The following BIRC2 variants were observed in gnomAD, a reference collection of about 807,000 sequenced individuals.
BIRC2 encodes baculoviral IAP repeat-containing protein 2.
BIRC2 carries 18 observed loss-of-function variants against 60.9 expected under a neutral mutation model. The ratio of observed to expected loss-of-function variants is 0.30; its 90% CI spans 0.20 to 0.44. BIRC2 has a LOEUF of 0.44. Among genes scored for constraint, BIRC2 ranks in the 20% least tolerant of loss-of-function variants. BIRC2 has a pLI of 1.00. For missense variants in BIRC2, 701 were observed against 728.5 expected (o/e 0.96, Z 0.43); for synonymous variants, 282 against 247.7 (o/e 1.14, Z -1.30).
In BIRC2 at chr11:102,368,157, T is replaced by G. The variant is rs559343908; in HGVS notation, c.1124-149T>G. On this transcript the variant is annotated intron_variant, in intron 5 of 8. Transcript: ENST00000227758. The stretch of plus-strand genomic sequence containing the variant: ...ATTTGACCATTATGAAGTTCAAACT[T>G]TTATTGGAGTTATAGGTAATCGATG... 267 of 920,788 alleles carry G rather than the reference T, an allele frequency of 2.9e-4. 3 individuals carry two copies. Among genetic ancestry groups the G allele is most frequent in the South Asian group, 1.7e-3 (98 of 57,974 alleles). 57.0% of individuals were successfully genotyped at this position (920,788 alleles called of 1,614,324 possible).
chr11:102,362,728 GT>G lies in BIRC2; in HGVS notation c.996-164del. The G allele has an allele frequency of 5.7e-6, 3 of 530,692 alleles. No homozygotes were observed. The East Asian group carries it at 8.8e-5, about 16-fold the overall frequency. 32.9% of individuals were successfully genotyped at this position (530,692 alleles called of 1,614,324 possible). A position where few individuals can be genotyped will look rare whatever the true frequency, so the allele number is the denominator to read the frequency against. ...TATAACACACAGAAGGATGTATATT[GT>G]TTTATGATAATTTTGTTCCTGTTAG... On this transcript the variant is annotated intron_variant, in intron 3 of 8. Transcript: ENST00000227758.
chr11:102,367,586 TATC>T (rs2135817696), intron 5 of BIRC2, among the ~76,000 whole-genome samples: 1 of 152,300 alleles, frequency 6.6e-6, no homozygotes, highest in East Asian at 1.9e-4. Flanking sequence ...TTCATAAAAG[TATC>T]ATATGGGCTA....
chr11:102,348,626 C>T lies in BIRC2; in HGVS notation c.-1229C>T. 1 of 271,020 alleles carries T rather than the reference C, an allele frequency of 3.7e-6. No individual in the cohort carries two copies. Among genetic ancestry groups the T allele is most frequent in the South Asian group, 3.3e-5 (1 of 30,218 alleles). The allele number at this position is 271,020 out of a possible 1,614,324, so 16.8% of individuals were successfully genotyped here. Reference sequence around the variant, plus strand: ...TACAACCCTGAAGAATCTCCCTATCCCTATTTTGTCCCCCTGCAGTAATAA... The same window carrying T: ...TACAACCCTGAAGAATCTCCCTATCTCTATTTTGTCCCCCTGCAGTAATAA... On this transcript the variant is annotated 5_prime_UTR_variant, in exon 2 of 9. Coordinates refer to ENST00000227758, the MANE Select transcript of BIRC2 (RefSeq NM_001166.5).
chr11:102,374,946 C>G (rs1319857401), intron 6 of BIRC2, among the ~76,000 whole-genome samples: 1 of 152,216 alleles, frequency 6.6e-6, no homozygotes, highest in African/African-American at 2.4e-5. Flanking sequence ...GCGTCCGTTA[C>G]CCCTTTCTTT....
chr11:102,375,585 C>G (rs902184988), intron 6 of BIRC2, among the ~76,000 whole-genome samples: 1 of 152,086 alleles, frequency 6.6e-6, no homozygotes, highest in Non-Finnish European at 1.5e-5. Context: ...TTGAGACCAT[C>G]CTGGCTAACA....
intron 6 of BIRC2, among the ~76,000 whole-genome samples, chr11:102,369,276 C>A (rs906251510): frequency 6.7e-6 from 1 of 148,390 alleles, no homozygotes; most frequent in African/African-American, 2.5e-5. Context: ...AACTCATCAT[C>A]TAGCATTAGG....
At chr11:102,355,085 T>C (rs142193820) in intron 3 of BIRC2, among the ~76,000 whole-genome samples, 79 of 152,238 alleles carry the variant, frequency 5.2e-4, no homozygotes, top group Middle Eastern at 3.4e-3. Context: ...ATTGTTTCCT[T>C]TGCTGAGCAG....
chr11:102,377,407 T>G, intron 6 of BIRC2, 89 bp from the exon 7 acceptor site: 4 of 1,183,366 alleles, frequency 3.4e-6, no homozygotes, highest in African/African-American at 1.6e-5. Context: ...AGTGCCTAAA[T>G]TGTTTGTAGG....
At chr11:102,375,637 G>A (rs962828297) in intron 6 of BIRC2, among the ~76,000 whole-genome samples, 22 of 152,192 alleles carry the variant, frequency 1.4e-4, no homozygotes, top group African/African-American at 5.1e-4. Context: ...AAAATTAGCC[G>A]GGCATGGTGG....
At chr11:102,360,745 G>A (rs1951476368) in intron 3 of BIRC2, among the ~76,000 whole-genome samples, 1 of 147,420 alleles carries the variant, frequency 6.8e-6, no homozygotes, top group African/African-American at 2.5e-5. Flanking sequence ...TTTGATGGAC[G>A]AATTACTTCT....
At chr11:102,353,679 CTTTT>C (rs60766578) in intron 3 of BIRC2, among the ~76,000 whole-genome samples, 4 of 86,082 alleles carry the variant, frequency 4.6e-5, no homozygotes, top group Non-Finnish European at 8.8e-5. Flanking sequence ...TAGTAACTTT[CTTTT>C]TTTTTTTTTT....
intron 6 of BIRC2, among the ~76,000 whole-genome samples, chr11:102,371,800 AC>A (rs1951635268): frequency 6.7e-6 from 1 of 149,522 alleles, no homozygotes. Flanking sequence ...CTGGTCCTGG[AC>A]TCTTTTTGGT....
chr11:102,362,974 G>A lies in BIRC2; in HGVS notation c.1074G>A (p.Gln358=). 1 of 1,598,640 alleles carries A rather than the reference G, an allele frequency of 6.3e-7. No homozygotes were observed. Among genetic ancestry groups the A allele is most frequent in the Non-Finnish European group, 8.6e-7 (1 of 1,167,730 alleles). Residue 358 remains glutamine (Q), a splice_region_variant and synonymous_variant, in exon 4 of 9, where the codon CAG becomes CAA. Transcript: ENST00000227758. Reference sequence around the variant, plus strand: ...GTAGATATCCTCATCTTCTTGAACAGGTAAATACATTTTTAAAATTAACAA... The same window carrying A: ...GTAGATATCCTCATCTTCTTGAACAAGTAAATACATTTTTAAAATTAACAA... ...IQGRYPHLLE[Q]LLSTSDTTGE...
intron 6 of BIRC2, among the ~76,000 whole-genome samples, chr11:102,376,093 C>T (rs760204051): frequency 2.0e-5 from 3 of 151,956 alleles, no homozygotes; most frequent in Admixed American, 2.0e-4. Context: ...TATATGAAAT[C>T]ACTGTCACCT....
Position 102,348,859 on chromosome 11 carries a change from A to C in BIRC2, c.-996A>C, listed in dbSNP as rs1951320171. On this transcript the variant is annotated 5_prime_UTR_variant, in exon 2 of 9. Transcript: ENST00000227758. ...CGTTTCTGATAACACTAGAAAGGACAAGTTTTATCTTGTGATAAATTGATT... is the reference window on the plus strand; with the variant it reads ...CGTTTCTGATAACACTAGAAAGGACCAGTTTTATCTTGTGATAAATTGATT... 2 of 199,166 alleles carry C rather than the reference A, an allele frequency of 1.0e-5. No individual in the cohort carries two copies. The highest frequency in any genetic ancestry group is 2.1e-5 in the Non-Finnish European group (2 of 96,358). 12.3% of individuals were successfully genotyped at this position (199,166 alleles called of 1,614,324 possible).
chr11:102,377,241 C>T (rs1240283867), intron 6 of BIRC2, among the ~76,000 whole-genome samples: 6 of 152,082 alleles, frequency 3.9e-5, no homozygotes, highest in Non-Finnish European at 1.5e-5. Flanking sequence ...TTACTGTCTT[C>T]TACAAATCTC....
chr11:102,364,726 A>C (rs1691026220), intron 5 of BIRC2, among the ~76,000 whole-genome samples: 1 of 152,254 alleles, frequency 6.6e-6, no homozygotes, highest in Admixed American at 6.5e-5. Flanking sequence ...TATGAGTCTT[A>C]GAAACCATGG....
chr11:102,364,721 G>A (rs1040515306), intron 5 of BIRC2, among the ~76,000 whole-genome samples: 1 of 152,210 alleles, frequency 6.6e-6, no homozygotes, highest in African/African-American at 2.4e-5. Flanking sequence ...AGATGTATGA[G>A]TCTTAGAAAC....
intron 3 of BIRC2, among the ~76,000 whole-genome samples, chr11:102,354,574 T>G (rs1467183667): frequency 6.6e-6 from 1 of 152,188 alleles, no homozygotes. Context: ...AGTAGAGATA[T>G]CTCTGAGATA....
Sources: gnomAD v4.1 joint callset for allele counts (sites outside exome capture counted in the v4.1 genomes callset) on GRCh38, gnomAD v4.1.1 for gene constraint, MANE v1.5 for transcripts, NCBI Gene and HGNC (gene_info 2026-07-23, HGNC 2026-07-21) for gene names.